SNRK: variants seen among roughly 807,000 people sequenced by gnomAD.
SNRK encodes SNF-related serine/threonine-protein kinase.
Under a neutral mutation model 48.2 loss-of-function variants are expected in SNRK, and 3 were observed. The observed-to-expected ratio is 0.06, with a 90% confidence interval of 0.03 to 0.16. The LOEUF is 0.16. SNRK is among the 10% of genes least tolerant of loss of function. The probability of loss-of-function intolerance (pLI) is 1.00; values close to 1 mark genes in which losing one functional copy is unlikely to be tolerated. For synonymous variants in SNRK, 376 were observed against 366.1 expected, an observed-to-expected ratio of 1.03 and a Z score of -0.31; for missense variants, 627 against 976.0, an observed-to-expected ratio of 0.64 and a Z score of 4.76.
intron 3 of SNRK, among the ~76,000 whole-genome samples, chr3:43,308,715 A>C (rs1046166569): frequency 3.3e-5 from 5 of 152,206 alleles, no homozygotes; most frequent in Non-Finnish European, 5.9e-5. Flanking sequence ...GAGATGTACA[A>C]GGAAATTGAT....
chr3:43,308,212 A>G (rs1220286827), intron 3 of SNRK, among the ~76,000 whole-genome samples: 1 of 152,234 alleles, frequency 6.6e-6, no homozygotes, highest in African/African-American at 2.4e-5. Context: ...CCATAACATA[A>G]AAGTACAAGA....
intron 1 of SNRK, among the ~76,000 whole-genome samples, chr3:43,290,651 A>G (rs868495200): frequency 2.0e-5 from 3 of 152,174 alleles, no homozygotes; most frequent in East Asian, 1.9e-4. Flanking sequence ...TTCTAGCTCT[A>G]TTCTCGCCCT....
chr3:43,348,878 TAGAG>T lies in SNRK; in HGVS notation c.*327_*330del. On this transcript the variant is annotated 3_prime_UTR_variant, in exon 7 of 7. Coordinates refer to ENST00000296088, the MANE Select transcript of SNRK (RefSeq NM_017719.5). ...GAAATTTGTTGTTCTGCACTTAACC[TAGAG>T]AGAGAAAAAATGCTTTTCTTTGTGA... is the stretch of plus-strand genomic sequence containing the variant. The T allele has an allele frequency of 4.9e-6, 1 of 205,372 alleles. No individual in the cohort carries two copies. Among genetic ancestry groups the T allele is most frequent in the South Asian group, 2.0e-4 (1 of 4,902 alleles). The allele number at this position is 205,372 out of a possible 1,614,324, so 12.7% of individuals were successfully genotyped here. A position where few individuals can be genotyped will look rare whatever the true frequency, so the allele number is the denominator to read the frequency against.
intron 3 of SNRK, among the ~76,000 whole-genome samples, chr3:43,315,988 C>G (rs1301329053): frequency 1.3e-5 from 2 of 152,116 alleles, no homozygotes; most frequent in African/African-American, 4.8e-5. Flanking sequence ...ATTTCTGAAA[C>G]CACAATTAAA....
intron 1 of SNRK, among the ~76,000 whole-genome samples, chr3:43,296,415 C>CGT (rs1553632565): frequency 7.9e-6 from 1 of 127,242 alleles, no homozygotes; most frequent in African/African-American, 3.4e-5. Flanking sequence ...GATATACTGG[C>CGT]ATATATATAT....
At chr3:43,327,478 T>G (rs780391908) in intron 3 of SNRK, among the ~76,000 whole-genome samples, 29 of 152,246 alleles carry the variant, frequency 1.9e-4, no homozygotes, top group Admixed American at 2.6e-4. Flanking sequence ...TTCTATTGCT[T>G]CTTTCATTAT....
chr3:43,341,321 T>G (rs948163032), intron 5 of SNRK, among the ~76,000 whole-genome samples: 5 of 152,128 alleles, frequency 3.3e-5, no homozygotes, highest in Non-Finnish European at 5.9e-5. Flanking sequence ...CGGCTAATTT[T>G]TTCTATTTTT....
intron 3 of SNRK, among the ~76,000 whole-genome samples, chr3:43,326,588 G>A (rs552740160): frequency 4.6e-5 from 7 of 152,254 alleles, no homozygotes; most frequent in African/African-American, 1.7e-4. Flanking sequence ...GGAGGGCAGT[G>A]TGGGAAGACC....
intron 3 of SNRK, among the ~76,000 whole-genome samples, chr3:43,313,602 C>T (rs1330815351): frequency 6.6e-6 from 1 of 152,136 alleles, no homozygotes; most frequent in Non-Finnish European, 1.5e-5. Context: ...TGATGGAGCA[C>T]TTCTGTGTCT....
At position 43,347,393 on chromosome 3, in the gene SNRK, G is replaced by A. The variant is rs1036781403; in HGVS notation, c.1134G>A (p.Thr378=). ...CCCAGGACCTTGAGGATGACCTCAC[G>A]GCCACTCCTTTGTCCCACGCGACTG... is the stretch of plus-strand genomic sequence containing the variant. ...DVPQDLEDDL[T]ATPLSHATVP... is the part of the protein sequence containing the mutation. Residue 378 remains threonine (T), a synonymous_variant, in exon 7 of 7, where the codon ACG becomes ACA. Coordinates refer to ENST00000296088, the MANE Select transcript of SNRK (RefSeq NM_017719.5). The surrounding 1 kb of genome is among the most constrained non-coding windows in gnomAD (Gnocchi z 5.4). 1.2e-5 allele frequency: 20 copies of A among 1,610,744 alleles called. No individual in the cohort carries two copies. The Admixed American group carries it at 1.5e-4, about 12-fold the overall frequency.
chr3:43,346,772 GT>G (rs1203824222), intron 6 of SNRK, among the ~76,000 whole-genome samples: 5 of 152,036 alleles, frequency 3.3e-5, no homozygotes, highest in East Asian at 1.9e-4. Flanking sequence ...ATTTAACTTA[GT>G]TTTTTTTAAT....
Position 43,303,504 on chromosome 3 carries a change from T to C in SNRK, c.301T>C (p.Phe101Leu). 1.9e-6 allele frequency: 3 copies of C among 1,614,182 alleles called. No homozygotes were observed. The highest frequency in any genetic ancestry group is 2.5e-6 in the Non-Finnish European group (3 of 1,180,030). The change falls in exon 3 of 7, where the codon TTT becomes CTT. Residue 101 changes from phenylalanine (F) to leucine (L), a missense_variant. Transcript: ENST00000296088. This position sits in a 1 kb window ranked among gnomAD's most constrained non-coding sequence, Gnocchi z 6.2. ...ILELGDGGDMFDYIMKHEEGL... is the reference protein window; with the variant it reads ...ILELGDGGDMLDYIMKHEEGL... The stretch of plus-strand genomic sequence containing the variant: ...AGAACTTGGGGATGGAGGAGATATG[T>C]TTGATTATATAATGAAACATGAGGA...
Position 43,347,290 on chromosome 3 carries a change from T to C in SNRK, c.1080-49T>C, listed in dbSNP as rs751849849. 14 of 1,503,316 alleles carry C rather than the reference T, an allele frequency of 9.3e-6. No individual in the cohort carries two copies. Among genetic ancestry groups the C allele is most frequent in the East Asian group, 4.6e-5 (2 of 43,922 alleles). The allele number at this position is 1,503,316 out of a possible 1,614,324, so 93.1% of individuals were successfully genotyped here. ...CATTGTGATGTACTTTACTATCATC[T>C]GCATAATGATTATATGGCTTTTTTC... On this transcript the variant is annotated intron_variant, in intron 6 of 6. Transcript: ENST00000296088. The surrounding 1 kb of genome is among the most constrained non-coding windows in gnomAD (Gnocchi z 5.4).
chr3:43,350,964 G>A lies in SNRK; in HGVS notation c.*2407G>A, dbSNP rs140539066. 6.6e-6 allele frequency: 1 copy of A among 152,578 alleles called. No individual in the cohort carries two copies. Among genetic ancestry groups the A allele is most frequent in the African/African-American group, 2.4e-5 (1 of 41,418 alleles). The allele number at this position is 152,578 out of a possible 1,614,324, so 9.5% of individuals were successfully genotyped here. A position where few individuals can be genotyped will look rare whatever the true frequency, so the allele number is the denominator to read the frequency against. On this transcript the variant is annotated 3_prime_UTR_variant, in exon 7 of 7. Coordinates refer to ENST00000296088, the MANE Select transcript of SNRK (RefSeq NM_017719.5). Reference sequence around the variant, plus strand: ...AGAATAGCTGTGAGACCGAATTAAAGATAATCCCTACCAAGTGAAAATTGA... The same window carrying A: ...AGAATAGCTGTGAGACCGAATTAAAAATAATCCCTACCAAGTGAAAATTGA...
intron 6 of SNRK, among the ~76,000 whole-genome samples, chr3:43,344,018 C>T (rs1446068782): frequency 1.3e-5 from 2 of 152,128 alleles, no homozygotes; most frequent in Non-Finnish European, 2.9e-5. Context: ...GCTACCCGAT[C>T]TGTAAAACAA....
intron 3 of SNRK, among the ~76,000 whole-genome samples, chr3:43,330,491 G>T (rs1440572898): frequency 6.6e-6 from 1 of 152,178 alleles, no homozygotes; most frequent in African/African-American, 2.4e-5. Context: ...GCAGATTTGA[G>T]TGGTACAAAG....
chr3:43,321,274 CT>C (rs1296670289), intron 3 of SNRK, among the ~76,000 whole-genome samples: 2 of 152,080 alleles, frequency 1.3e-5, no homozygotes, highest in Non-Finnish European at 2.9e-5. Context: ...AAGGGGACAG[CT>C]TTTCTTATGG....
intron 3 of SNRK, among the ~76,000 whole-genome samples, chr3:43,305,877 A>G (rs986069884): frequency 2.0e-5 from 3 of 152,222 alleles, no homozygotes; most frequent in Non-Finnish European, 4.4e-5. Context: ...ACTCTGAAGA[A>G]TGCATGAGAG....
In SNRK at chr3:43,347,663, C is replaced by T. The variant is rs953660833; in HGVS notation, c.1404C>T (p.Arg468=). The T allele has an allele frequency of 4.3e-6, 7 of 1,613,590 alleles. No homozygotes were observed. The Middle Eastern group carries it at 6.6e-4, about 152-fold the overall frequency. Reference sequence around the variant, plus strand: ...CCCTCTCAACACAAGTGGTTTTGCGCCGGAAGCCATCTGTAACCAACCGCC... The same window carrying T: ...CCCTCTCAACACAAGTGGTTTTGCGTCGGAAGCCATCTGTAACCAACCGCC... ...PMSLSTQVVL[R]RKPSVTNRLT... is the part of the protein sequence containing the mutation. The change falls in exon 7 of 7, where the codon CGC becomes CGT. Residue 468 remains arginine, a synonymous_variant. Transcript: ENST00000296088. This position sits in a 1 kb window ranked among gnomAD's most constrained non-coding sequence, Gnocchi z 5.4.
Sources: allele counts gnomAD v4.1 joint callset (sites outside exome capture counted in the v4.1 genomes callset), GRCh38; gene constraint gnomAD v4.1.1; non-coding constraint Gnocchi (gnomAD v3.1); transcripts MANE v1.5; gene names NCBI Gene and HGNC (gene_info 2026-07-23, HGNC 2026-07-21).